Variants in PRX observed in about 807,000 individuals in gnomAD.
PRX encodes the protein periaxin.
In PRX, 24 loss-of-function variants were observed where a neutral mutation model predicts 29.6. The ratio of observed to expected loss-of-function variants is 0.81; its 90% confidence interval spans 0.59 to 1.14. The LOEUF is 1.14. PRX is among the 50% of genes most tolerant of loss of function. The pLI is 0.00. For missense variants in PRX, 1,838 were observed against 1,926.4 expected, an observed-to-expected ratio of 0.95 and a Z score of 0.86; for synonymous variants, 772 against 831.7, an observed-to-expected ratio of 0.93 and a Z score of 1.24.
At position 40,403,728 on chromosome 19, in the gene PRX, G is replaced by A. The variant is rs1385307335; in HGVS notation, c.162C>T (p.Ala54=). The A allele has an allele frequency of 6.4e-7, 1 of 1,563,556 alleles. No individual in the cohort carries two copies. Among genetic ancestry groups the A allele is most frequent in the Non-Finnish European group, 8.7e-7 (1 of 1,155,098 alleles). The change falls in exon 5 of 7, where the codon GCC becomes GCT. Residue 54 remains alanine, a synonymous_variant. Transcript: ENST00000324001. The part of the protein sequence containing the change: ...VRELREDSPA[A]RSLSLQEGDQ... ...CACCTTCCTGCAGGCTGAGGCTCCT[G>A]GCGGCGGGTGAGTCCTCGCGCAGCT...
intron 5 of PRX, among the ~76,000 whole-genome samples, chr19:40,399,236 C>A (rs1203955516): frequency 6.6e-6 from 1 of 152,186 alleles, no homozygotes; most frequent in African/African-American, 2.4e-5. Context: ...GGCAATCTCT[C>A]CACCGCCTTC....
At chr19:40,399,097 C>T (rs2079470302) in intron 5 of PRX, among the ~76,000 whole-genome samples, 1 of 152,044 alleles carries the variant, frequency 6.6e-6, no homozygotes, top group Non-Finnish European at 1.5e-5. Context: ...CTTCTTTTAC[C>T]GAGAGAACAG....
rs1004950341 is a variant in PRX at position 40,406,982 on chromosome 19, C to T, written c.27+924G>A. Among the ~76,000 whole-genome samples the T allele has an allele frequency of 7.9e-5, 12 of 152,026 alleles. No individual in the cohort carries two copies. In the East Asian group the frequency reaches 2.3e-3, roughly 29 times the overall value. On this transcript the variant is annotated intron_variant, in intron 4 of 6. Coordinates refer to ENST00000324001, the MANE Select transcript of PRX (RefSeq NM_181882.3). ...AGAGATGGGGTTTCACCGTATTGGC[C>T]AGGCTGGTCCCGAACTCCTAACCTC...
rs757620514 is a variant in PRX, at chr19:40,395,349, GT to G, written c.3002del (p.His1001ProfsTer7). 6.2e-7 allele frequency: 1 copy of G among 1,613,752 alleles called. No individual in the cohort carries two copies. Among genetic ancestry groups the G allele is most frequent in the Admixed American group, 1.7e-5 (1 of 60,024 alleles). ...LSIPQLSLDA[H>X]LPSGKVEVAG... ...CCACCTCTACCTTGCCTGAGGGCAG[GT>G]GGGCATCCAGGCTGAGCTGTGGGAT... is the stretch of plus-strand genomic sequence containing the variant. On this transcript the variant is annotated frameshift_variant, in exon 7 of 7. Transcript: ENST00000324001. LOFTEE classifies it low-confidence loss of function (END_TRUNC).
rs779929777 is a variant in PRX, at chr19:40,395,101, C to T, written c.3251G>A (p.Gly1084Glu). Residue 1084 changes from glycine (G) to glutamate (E), a missense_variant, in exon 7 of 7, where the codon GGG (glycine) becomes GAG (glutamate). Gly to Glu is a moderately conservative substitution (Grantham distance 98). Transcript: ENST00000324001. Reference sequence around the variant, plus strand: ...CACAGCGGTGGACTCAGCCTTTTCCCCCGGGCTGGCACGATCACCTTGAAC... The same window carrying T: ...CACAGCGGTGGACTCAGCCTTTTCCTCCGGGCTGGCACGATCACCTTGAAC... ...AEVQGDRASP[G>E]EKAESTAVQL... The T allele has an allele frequency of 3.1e-6, 5 of 1,613,880 alleles. No individual in the cohort carries two copies. Among genetic ancestry groups the T allele is most frequent in the Non-Finnish European group, 4.2e-6 (5 of 1,180,016 alleles).
chr19:40,401,712 G>A (rs963939803), intron 5 of PRX, among the ~76,000 whole-genome samples: 1 of 151,126 alleles, frequency 6.6e-6, no homozygotes, highest in African/African-American at 2.4e-5. Flanking sequence ...TCTTCCAGAT[G>A]GCCTCATAGC....
chr19:40,399,850 C>CTTT (rs2079475654), intron 5 of PRX, among the ~76,000 whole-genome samples: 2 of 119,624 alleles, frequency 1.7e-5, no homozygotes, highest in Non-Finnish European at 3.6e-5. Context: ...AGCTTTCTTT[C>CTTT]CTTTCTTTCT....
At chr19:40,407,688 G>T in intron 4 of PRX, 1 of 658,520 alleles carries the variant, frequency 1.5e-6, no homozygotes, top group Non-Finnish European at 2.7e-6. Context: ...TGATTTCACT[G>T]CCTTGAGTCT....
Position 40,395,375 on chromosome 19 carries a change from T to A in PRX, c.2977A>T (p.Ile993Phe), listed in dbSNP as rs1234629496. Reference protein sequence around the residue: ...AGLLPALDLSIPQLSLDAHLP... With the variant: ...AGLLPALDLSFPQLSLDAHLP... ...TGGGCATCCAGGCTGAGCTGTGGGA[T>A]GGACAGATCGAGGGCAGGCAGCAGG... Residue 993 changes from isoleucine to phenylalanine, a missense_variant, in exon 7 of 7, where the codon ATC becomes TTC. Ile to Phe is a conservative substitution (Grantham distance 21). Coordinates refer to ENST00000324001, the MANE Select transcript of PRX (RefSeq NM_181882.3). 1 of 1,613,814 alleles carries A rather than the reference T, an allele frequency of 6.2e-7. No homozygotes were observed. The highest frequency in any genetic ancestry group is 8.5e-7 in the Non-Finnish European group (1 of 1,180,020).
intron 5 of PRX, among the ~76,000 whole-genome samples, chr19:40,403,001 C>T (rs756329774): frequency 5.3e-5 from 8 of 151,862 alleles, no homozygotes; most frequent in Non-Finnish European, 8.8e-5. Context: ...GAAACCCCGT[C>T]TCTACTAAAA....
intron 1 of PRX, among the ~76,000 whole-genome samples, chr19:40,412,735 A>G (rs1479789003): frequency 6.6e-6 from 1 of 152,000 alleles, no homozygotes; most frequent in East Asian, 1.9e-4. Flanking sequence ...TGTTTTTTGG[A>G]GACAGGGTCT....
chr19:40,411,407 G>GCACA (rs2079558143), intron 1 of PRX, among the ~76,000 whole-genome samples: 1 of 152,158 alleles, frequency 6.6e-6, no homozygotes, highest in African/African-American at 2.4e-5. Flanking sequence ...CCCTTACCCA[G>GCACA]GACTGATACA....
rs79361726 is a variant in PRX at position 40,405,424 on chromosome 19, C to T, written c.28-1562G>A. ...CATGGCCAACGCACTGGGGCCAGCACGGACTGGAATTGAGCCCAGGACTTG... is the reference window on the plus strand; with the variant it reads ...CATGGCCAACGCACTGGGGCCAGCATGGACTGGAATTGAGCCCAGGACTTG... On this transcript the variant is annotated intron_variant, in intron 4 of 6. Transcript: ENST00000324001. Among the ~76,000 whole-genome samples the T allele has an allele frequency of 2.5e-3, 378 of 152,090 alleles. 2 individuals are homozygous for T. The highest frequency in any genetic ancestry group is 8.8e-3 in the African/African-American group (363 of 41,476).
intron 4 of PRX, among the ~76,000 whole-genome samples, chr19:40,404,335 TGCGTCGGAGTGG>T (rs1316670132): frequency 2.8e-5 from 4 of 142,546 alleles, no homozygotes; most frequent in African/African-American, 1.0e-4. Flanking sequence ...GGGGAGGGAC[TGCGTCGGAGTGG>T]GCTGGAGATA....
rs765791679 is a variant in PRX, at chr19:40,396,739, A to C, written c.1613T>G (p.Val538Gly). The C allele has an allele frequency of 1.5e-5, 24 of 1,611,288 alleles. No homozygotes were observed. The highest frequency in any genetic ancestry group is 1.9e-5 in the Non-Finnish European group (22 of 1,179,346). The change falls in exon 7 of 7, where the codon GTG (valine) becomes GGG (glycine). Residue 538 changes from valine (V) to glycine (G), a missense_variant. Physicochemically the swap from Val to Gly is moderately radical, Grantham distance 109. Transcript: ENST00000324001. ...TACCTCTGGAAGCCGCACCTCCGGC[A>C]CAGCCATCTCTGGCACCTTTGGGAG... ...MKLPKVPEMAVPEVRLPEVQL... is the reference protein window; with the variant it reads ...MKLPKVPEMAGPEVRLPEVQL...
rs1303392170 is a variant in PRX, at chr19:40,394,712, G to A, written c.3640C>T (p.Pro1214Ser). Residue 1214 changes from proline (P) to serine (S), a missense_variant, in exon 7 of 7, where the codon CCC becomes TCC. Pro to Ser is a moderately conservative substitution (Grantham distance 74, BLOSUM62 -1). Transcript: ENST00000324001. This position sits in a 1 kb window ranked among gnomAD's most constrained non-coding sequence, Gnocchi z 5.8. Reference sequence around the variant, plus strand: ...TCAAGCTGGGGCACTGTCACGGTGGGCATCTTAAAGACACCCTCACCCACC... The same window carrying A: ...TCAAGCTGGGGCACTGTCACGGTGGACATCTTAAAGACACCCTCACCCACC... ...LLVGEGVFKM[P>S]TVTVPQLELD... is the part of the protein sequence containing the mutation. 4 of 1,611,960 alleles carry A rather than the reference G, an allele frequency of 2.5e-6. No individual in the cohort carries two copies. The South Asian group carries it at 3.3e-5, about 13-fold the overall frequency.
Position 40,396,559 on chromosome 19 carries a change from A to C in PRX, c.1793T>G (p.Met598Arg). Reference sequence around the variant, plus strand: ...CGGGAGTTGCACTTCAGGGAGTTTCATCTCAGGAAGTTTCATCTCAGGCAC... The same window carrying C: ...CGGGAGTTGCACTTCAGGGAGTTTCCTCTCAGGAAGTTTCATCTCAGGCAC... Reference protein sequence around the residue: ...PKVPEMKLPEMKLPEVQLPKV... With the variant: ...PKVPEMKLPERKLPEVQLPKV... Residue 598 changes from methionine to arginine, a missense_variant, in exon 7 of 7, where the codon ATG becomes AGG. Physicochemically the swap from Met to Arg is moderately conservative, Grantham distance 91 (BLOSUM62 -1). This residue lies in a region of PRX where 1,143 missense variants were observed against 1,193.0 expected (regional missense o/e 0.96). Transcript: ENST00000324001. The C allele has an allele frequency of 6.2e-7, 1 of 1,613,022 alleles. No homozygotes were observed. Among genetic ancestry groups the C allele is most frequent in the South Asian group, 1.1e-5 (1 of 91,024 alleles).
chr19:40,398,348 C>T lies in PRX; in HGVS notation c.381+272G>A, dbSNP rs2079462165. 1.4e-6 allele frequency: 2 copies of T among 1,427,832 alleles called. No homozygotes were observed. The highest frequency in any genetic ancestry group is 1.4e-5 in the African/African-American group (1 of 69,642). 88.4% of individuals were successfully genotyped at this position (1,427,832 alleles called of 1,614,324 possible). A position where few individuals can be genotyped will look rare whatever the true frequency, so the allele number is the denominator to read the frequency against. On this transcript the variant is annotated intron_variant, in intron 6 of 6. Coordinates refer to ENST00000324001, the MANE Select transcript of PRX (RefSeq NM_181882.3). This position sits in a 1 kb window ranked among gnomAD's most constrained non-coding sequence, Gnocchi z 6.3. ...AGGCTGGAATCTGGCTTTCCTGGTT[C>T]GAAGTAGCCTGGTTCAGGACCCCTA...
chr19:40,397,520 G>T lies in PRX; in HGVS notation c.832C>A (p.Pro278Thr). ...GGGGCCTCCACAGCAGGCGGAGCCG[G>T]GGCTCCGAGCCCAAGGGTTGGCAGG... Reference protein sequence around the residue: ...LHLPTLGLGAPAPPAVEAPAV... With the variant: ...LHLPTLGLGATAPPAVEAPAV... Residue 278 changes from proline (P) to threonine (T), a missense_variant, in exon 7 of 7, where the codon CCG becomes ACG. Physicochemically the swap from Pro to Thr is conservative, Grantham distance 38 (BLOSUM62 -1). Around this residue, in one of 3 missense-constraint regions of PRX, gnomAD observed 666 missense variants for 665.0 expected, o/e 1.00. Coordinates refer to ENST00000324001, the MANE Select transcript of PRX (RefSeq NM_181882.3). The T allele has an allele frequency of 6.5e-7, 1 of 1,546,528 alleles. No individual in the cohort carries two copies.
Sources: allele counts gnomAD v4.1 joint callset (sites outside exome capture counted in the v4.1 genomes callset), GRCh38; gene constraint gnomAD v4.1.1; regional missense constraint gnomAD v4.1.1; non-coding constraint Gnocchi (gnomAD v3.1); transcripts MANE v1.5; gene names NCBI Gene and HGNC (gene_info 2026-07-23, HGNC 2026-07-21).